Variants in PRKG1 observed in about 807,000 individuals in gnomAD.
PRKG1 encodes the protein cGMP-dependent protein kinase 1.
Under a neutral mutation model 88.1 loss-of-function variants are expected in PRKG1, and 35 were observed. The ratio of observed to expected loss-of-function variants is 0.40; its 90% confidence interval spans 0.30 to 0.53. The LOEUF (loss-of-function observed/expected upper bound fraction) is 0.53, where lower values mean the gene tolerates loss of function less well. PRKG1 is among the 20% of genes least tolerant of loss of function. The pLI is 0.59. For missense variants in PRKG1, 540 were observed against 839.8 expected, an observed-to-expected ratio of 0.64 and a Z score of 4.41; for synonymous variants, 303 against 292.5, an observed-to-expected ratio of 1.04 and a Z score of -0.37.
intron 1 of PRKG1, among the ~76,000 whole-genome samples, chr10:51,004,615 A>G (rs1197012847): frequency 6.6e-6 from 1 of 152,158 alleles, no homozygotes. Flanking sequence ...TTTTTTTTAT[A>G]CTTGAGTTAC....
intron 3 of PRKG1, among the ~76,000 whole-genome samples, chr10:51,707,232 C>A (rs16921743): frequency 0.028 from 4,312 of 152,162 alleles, 192 homozygotes; most frequent in African/African-American, 0.096. Flanking sequence ...AATATGTAGT[C>A]GGCTAGAATT....
At chr10:51,859,418 C>G (rs976331687) in intron 4 of PRKG1, among the ~76,000 whole-genome samples, 20 of 149,974 alleles carry the variant, frequency 1.3e-4, no homozygotes, top group African/African-American at 4.9e-4. Context: ...GCAACAGAGC[C>G]TATTAAATGC....
At chr10:51,409,561 A>G (rs914840008) in intron 2 of PRKG1, among the ~76,000 whole-genome samples, 1 of 152,040 alleles carries the variant, frequency 6.6e-6, no homozygotes. Flanking sequence ...GCTGTCTCTC[A>G]AAAGGAAAGT....
intron 2 of PRKG1, among the ~76,000 whole-genome samples, chr10:51,257,084 A>C (rs1839580874): frequency 6.6e-6 from 1 of 152,238 alleles, no homozygotes; most frequent in African/African-American, 2.4e-5. Context: ...AGGGGCTCAG[A>C]TAGCTTAAAG....
chr10:51,234,733 TC>T (rs1838938161), intron 2 of PRKG1, among the ~76,000 whole-genome samples: 1 of 152,148 alleles, frequency 6.6e-6, no homozygotes, highest in Non-Finnish European at 1.5e-5. Flanking sequence ...TGTATTTTTT[TC>T]CTCAATTAGA....
chr10:51,145,197 C>T (rs1845914969), intron 1 of PRKG1, among the ~76,000 whole-genome samples: 4 of 152,072 alleles, frequency 2.6e-5, no homozygotes, highest in African/African-American at 9.7e-5. Flanking sequence ...TAGGGTTGCC[C>T]AGGGTGGTGA....
intron 2 of PRKG1, among the ~76,000 whole-genome samples, chr10:51,438,207 A>T (rs1251504161): frequency 6.6e-6 from 1 of 151,774 alleles, no homozygotes; most frequent in Non-Finnish European, 1.5e-5. Flanking sequence ...ACCAAAAAAA[A>T]AATGTGAAGA....
chr10:51,515,205 C>T (rs1200249176), intron 3 of PRKG1, among the ~76,000 whole-genome samples: 1 of 151,972 alleles, frequency 6.6e-6, no homozygotes, highest in African/African-American at 2.4e-5. Context: ...CATTAACAAC[C>T]AAGAAAGACA....
At chr10:51,307,539 T>C (rs1841069808) in intron 2 of PRKG1, among the ~76,000 whole-genome samples, 1 of 152,206 alleles carries the variant, frequency 6.6e-6, no homozygotes, top group Non-Finnish European at 1.5e-5. Context: ...ATATTTCACA[T>C]GTAACTTGCA....
At chr10:51,023,928 A>G (rs922970832) in intron 1 of PRKG1, among the ~76,000 whole-genome samples, 2 of 152,220 alleles carry the variant, frequency 1.3e-5, no homozygotes, top group Non-Finnish European at 2.9e-5. Flanking sequence ...ATTTCCAGGC[A>G]AATATTGCAA....
chr10:51,975,534 C>T (rs959347517), intron 5 of PRKG1, among the ~76,000 whole-genome samples: 1 of 152,002 alleles, frequency 6.6e-6, no homozygotes, highest in Non-Finnish European at 1.5e-5. Flanking sequence ...TCATAAAATG[C>T]TGTTCTTATA....
intron 8 of PRKG1, among the ~76,000 whole-genome samples, chr10:52,158,553 C>T (rs920695668): frequency 6.6e-6 from 1 of 151,608 alleles, no homozygotes; most frequent in South Asian, 2.1e-4. Context: ...TTAAATTACT[C>T]ATTGATCAGT....
chr10:51,834,641 C>T (rs1840081398), intron 4 of PRKG1, among the ~76,000 whole-genome samples: 1 of 133,224 alleles, frequency 7.5e-6, no homozygotes, highest in Admixed American at 8.5e-5. Flanking sequence ...ACAGTGACAC[C>T]CTGTCAAAAA....
At chr10:51,391,850 T>C (rs114617228) in intron 2 of PRKG1, among the ~76,000 whole-genome samples, 40 of 152,386 alleles carry the variant, frequency 2.6e-4, no homozygotes, top group African/African-American at 9.4e-4. Context: ...ACAACCACTA[T>C]AGAATGTTCT....
intron 3 of PRKG1, among the ~76,000 whole-genome samples, chr10:51,800,370 T>A (rs1839136197): frequency 6.6e-6 from 1 of 152,184 alleles, no homozygotes; most frequent in Admixed American, 6.6e-5. Context: ...AAATATTGTG[T>A]AACTCGAAAA....
At chr10:51,903,389 A>G (rs1286324526) in intron 4 of PRKG1, among the ~76,000 whole-genome samples, 1 of 152,106 alleles carries the variant, frequency 6.6e-6, no homozygotes, top group African/African-American at 2.4e-5. Context: ...CATGGTATTA[A>G]GGCTATATAC....
At chr10:52,158,324 A>G (rs1053454869) in intron 8 of PRKG1, among the ~76,000 whole-genome samples, 2 of 151,696 alleles carry the variant, frequency 1.3e-5, no homozygotes, top group South Asian at 4.1e-4. Context: ...AAAAAAAGGC[A>G]TTAGTCAAGA....
At chr10:52,166,702 C>T (rs12774024) in intron 9 of PRKG1, among the ~76,000 whole-genome samples, 14 of 146,222 alleles carry the variant, frequency 9.6e-5, no homozygotes, top group African/African-American at 2.7e-4. Context: ...ATATTTCTGA[C>T]GTGTATAGCT....
chr10:51,570,067 A>ATATATATATATATATATATATATGTGTG (rs1491310201), intron 3 of PRKG1, among the ~76,000 whole-genome samples: 20 of 113,110 alleles, frequency 1.8e-4, no homozygotes, highest in African/African-American at 6.5e-4. Context: ...ATATATATAT[A>ATATATATATATATATATATATATGTGTG]TGTGTGTGTG....
Sources: allele counts gnomAD v4.1 joint callset (sites outside exome capture counted in the v4.1 genomes callset), GRCh38; gene constraint gnomAD v4.1.1; transcripts MANE v1.5; gene names NCBI Gene and HGNC (gene_info 2026-07-23, HGNC 2026-07-21).